Variants in GMCL1 observed in about 807,000 individuals in gnomAD.
GMCL1 encodes the protein germ cell-less 1, spermatogenesis associated, also known as germ cell-less protein-like 1.
In GMCL1, 54 loss-of-function variants were observed where a neutral mutation model predicts 75.5. The observed-to-expected ratio is 0.71, with a 90% confidence interval of 0.57 to 0.90. The LOEUF (loss-of-function observed/expected upper bound fraction) is 0.90. Ranked by LOEUF, GMCL1 falls within the 40% of genes least tolerant of loss-of-function variation. GMCL1 has a pLI of 0.00. For synonymous variants in GMCL1, 210 were observed against 209.6 expected (o/e 1.00, Z -0.02); for missense variants, 537 against 622.7 (o/e 0.86, Z 1.47).
intron 10 of GMCL1, among the ~76,000 whole-genome samples, chr2:69,863,617 C>T (rs1406680446): frequency 6.6e-6 from 1 of 152,166 alleles, no homozygotes; most frequent in Admixed American, 6.5e-5. Flanking sequence ...GAAAATTTGG[C>T]TCATACTATT....
intron 6 of GMCL1, among the ~76,000 whole-genome samples, chr2:69,845,267 A>C (rs1675105890): frequency 6.6e-6 from 1 of 152,196 alleles, no homozygotes; most frequent in African/African-American, 2.4e-5. Context: ...GAGGTCCTGG[A>C]GATGGAGCCA....
chr2:69,878,231 G>C (rs996988967), intron 13 of GMCL1, among the ~76,000 whole-genome samples: 3 of 152,192 alleles, frequency 2.0e-5, no homozygotes, highest in East Asian at 3.9e-4. Flanking sequence ...TTACATGTTT[G>C]TCATAGGGAC....
In GMCL1 at chr2:69,854,878, A is replaced by G; in HGVS notation, c.990A>G (p.Val330=). The G allele has an allele frequency of 6.2e-7, 1 of 1,611,342 alleles. No individual in the cohort carries two copies. The highest frequency in any genetic ancestry group is 8.5e-7 in the Non-Finnish European group (1 of 1,178,288). ...ETEQGKPFVS[V]FRHLRLQYII... ...AACAAGGAAAACCATTTGTGTCAGT[A>G]TTCAGACATTTAAGGTTACAATATA... Residue 330 remains valine (V), a synonymous_variant, in exon 9 of 14, where the codon GTA becomes GTG. Transcript: ENST00000282570.
In GMCL1 at chr2:69,832,697, A is replaced by G. The variant is rs187404610; in HGVS notation, c.260+2545A>G. Among the ~76,000 whole-genome samples, 6 of 152,342 alleles carry G rather than the reference A, an allele frequency of 3.9e-5. No homozygotes were observed. In the East Asian group the frequency reaches 9.6e-4, roughly 24 times the overall value. On this transcript the variant is annotated intron_variant, in intron 1 of 13. Transcript: ENST00000282570. ...AGTTGAGTCTTGCTTCTTTTGTCCAACAGGACAATCTAACCTTTCAATTAG... is the reference window on the plus strand; with the variant it reads ...AGTTGAGTCTTGCTTCTTTTGTCCAGCAGGACAATCTAACCTTTCAATTAG...
At chr2:69,864,284 A>ATG (rs1675744690) in intron 10 of GMCL1, among the ~76,000 whole-genome samples, 1 of 151,958 alleles carries the variant, frequency 6.6e-6, no homozygotes, top group Admixed American at 6.6e-5. Context: ...GAATATATGA[A>ATG]TGAATGTATT....
rs760374793 is a variant in GMCL1, at chr2:69,830,035, G to A, written c.143G>A (p.Gly48Asp). 2.0e-5 allele frequency: 32 copies of A among 1,563,806 alleles called. No homozygotes were observed. Among genetic ancestry groups the A allele is most frequent in the African/African-American group, 4.1e-5 (3 of 73,686 alleles). The part of the protein sequence containing the change: ...AAGHGFCYCA[G>D]SHKRKRSSGS... ...GGCCACGGATTCTGTTACTGTGCGG[G>A]CAGCCACAAGCGCAAGCGGAGCAGC... The change falls in exon 1 of 14, where the codon GGC (glycine) becomes GAC (aspartate). Residue 48 changes from glycine to aspartate, a missense_variant. Coordinates refer to ENST00000282570, the MANE Select transcript of GMCL1 (RefSeq NM_178439.5).
intron 3 of GMCL1, among the ~76,000 whole-genome samples, 184 bp downstream of exon 3, chr2:69,839,737 G>C (rs1351882762): frequency 6.6e-6 from 1 of 151,878 alleles, no homozygotes; most frequent in Non-Finnish European, 1.5e-5. Context: ...TCACTAATCT[G>C]TTTTGTCATT....
intron 7 of GMCL1, among the ~76,000 whole-genome samples, 158 bp from the exon 8 acceptor site, chr2:69,849,494 G>A (rs1467094603): frequency 6.6e-6 from 1 of 152,180 alleles, no homozygotes; most frequent in East Asian, 1.9e-4. Context: ...ATGATAAATT[G>A]AGTGCTTATA....
At chr2:69,863,854 T>G (rs1167479172) in intron 10 of GMCL1, among the ~76,000 whole-genome samples, 3 of 152,108 alleles carry the variant, frequency 2.0e-5, no homozygotes. Context: ...TGCATTAAAT[T>G]CCTTTACATT....
At chr2:69,835,956 A>G (rs762847520) in intron 1 of GMCL1, among the ~76,000 whole-genome samples, 2 of 152,176 alleles carry the variant, frequency 1.3e-5, no homozygotes, top group African/African-American at 4.8e-5. Flanking sequence ...ACCAGCAGCT[A>G]CACTACAGCC....
In GMCL1 at chr2:69,840,922, C is replaced by T. The variant is rs765851693; in HGVS notation, c.482-20C>T. 19 of 1,529,288 alleles carry T rather than the reference C, an allele frequency of 1.2e-5. No individual in the cohort carries two copies. Among genetic ancestry groups the T allele is most frequent in the Non-Finnish European group, 1.7e-5 (19 of 1,104,062 alleles). 94.7% of individuals were successfully genotyped at this position (1,529,288 alleles called of 1,614,324 possible). A position where few individuals can be genotyped will look rare whatever the true frequency, so the allele number is the denominator to read the frequency against. On this transcript the variant is annotated intron_variant, in intron 3 of 13. Coordinates refer to ENST00000282570, the MANE Select transcript of GMCL1 (RefSeq NM_178439.5). Reference sequence around the variant, plus strand: ...TAGATATAAATATTATTTCATCCTACATGTGTACCTTGCTTTCAGCACTGC... The same window carrying T: ...TAGATATAAATATTATTTCATCCTATATGTGTACCTTGCTTTCAGCACTGC...
chr2:69,853,657 A>G (rs1675383262), intron 8 of GMCL1, among the ~76,000 whole-genome samples: 1 of 152,168 alleles, frequency 6.6e-6, no homozygotes, highest in South Asian at 2.1e-4. Flanking sequence ...TCATGCACAA[A>G]TACCTGTTTG....
chr2:69,851,415 G>A (rs907362117), intron 8 of GMCL1, among the ~76,000 whole-genome samples: 4 of 152,176 alleles, frequency 2.6e-5, no homozygotes, highest in African/African-American at 9.7e-5. Context: ...TTGGAGACCA[G>A]CGTGGCCAAC....
intron 1 of GMCL1, among the ~76,000 whole-genome samples, chr2:69,833,554 T>C (rs1674733578): frequency 6.6e-6 from 1 of 152,156 alleles, no homozygotes; most frequent in Non-Finnish European, 1.5e-5. Context: ...AGGCGGAGGT[T>C]GTAGTGAGCC....
chr2:69,835,436 C>T (rs916590457), intron 1 of GMCL1, among the ~76,000 whole-genome samples: 3 of 151,586 alleles, frequency 2.0e-5, no homozygotes, highest in African/African-American at 7.3e-5. Context: ...GTCTCTCTGT[C>T]TCTCTGATAT....
chr2:69,852,660 TC>T (rs1458298931), intron 8 of GMCL1, among the ~76,000 whole-genome samples: 2 of 152,090 alleles, frequency 1.3e-5, no homozygotes, highest in African/African-American at 4.8e-5. Context: ...TGCCTCAGCC[TC>T]CCGAGTAGCT....
Position 69,851,542 on chromosome 2 carries a change from G to A in GMCL1, c.934+1800G>A, listed in dbSNP as rs116685896. On this transcript the variant is annotated intron_variant, in intron 8 of 13. Transcript: ENST00000282570. ...GGAGAATCGCTGGAAACCAGAAGGC[G>A]GAAGTTGCAGGGGGCCGAGATTGCG... Among the ~76,000 whole-genome samples the A allele has an allele frequency of 2.0e-3, 297 of 152,180 alleles. 2 individuals are homozygous for A. The highest frequency in any genetic ancestry group is 6.7e-3 in the African/African-American group (279 of 41,506).
intron 1 of GMCL1, among the ~76,000 whole-genome samples, chr2:69,834,432 G>C (rs970040634): frequency 7.2e-5 from 11 of 152,064 alleles, no homozygotes; most frequent in African/African-American, 2.2e-4. Flanking sequence ...TCCAAGGAAG[G>C]GTGCAAAAGG....
chr2:69,853,572 T>C (rs1164456677), intron 8 of GMCL1, among the ~76,000 whole-genome samples: 3 of 152,158 alleles, frequency 2.0e-5, no homozygotes, highest in Non-Finnish European at 4.4e-5. Context: ...TTTCTCCTTA[T>C]CCTTAATAGC....
Sources: gnomAD v4.1 joint callset for allele counts (sites outside exome capture counted in the v4.1 genomes callset) on GRCh38, gnomAD v4.1.1 for gene constraint, MANE v1.5 for transcripts, NCBI Gene and HGNC (gene_info 2026-07-23, HGNC 2026-07-21) for gene names.